SLC8A1: variants seen among roughly 807,000 people sequenced by gnomAD.
The protein encoded by SLC8A1 is solute carrier family 8 member A1.
SLC8A1 carries 18 observed loss-of-function variants against 68.3 expected under a neutral mutation model. The observed-to-expected ratio is 0.26, with a 90% confidence interval of 0.18 to 0.39. SLC8A1 has a LOEUF of 0.39. Ranked by LOEUF, SLC8A1 falls within the 10% of genes least tolerant of loss-of-function variation. The pLI is 1.00. For synonymous variants in SLC8A1, 475 were observed against 415.5 expected (o/e 1.14, Z -1.74); for missense variants, 985 against 1,156.7 (o/e 0.85, Z 2.15).
intron 3 of SLC8A1, 26 bp from the exon 5 acceptor site, chr2:40,174,868 A>G: frequency 6.2e-7 from 1 of 1,602,926 alleles, no homozygotes; most frequent in Non-Finnish European, 8.5e-7. Context: ...ACAACAACAA[A>G]TGTTATAATT....
chr2:40,435,677 G>T (rs530984933), intron 1 of SLC8A1, among the ~76,000 whole-genome samples: 1 of 152,296 alleles, frequency 6.6e-6, no homozygotes, highest in Non-Finnish European at 1.5e-5. Context: ...CAAAAGGAAA[G>T]ATAGACTTAG....
chr2:40,232,707 G>T (rs1161577174), intron 2 of SLC8A1, among the ~76,000 whole-genome samples: 2 of 119,440 alleles, frequency 1.7e-5, no homozygotes, highest in Non-Finnish European at 3.6e-5. Flanking sequence ...CCACTAACTC[G>T]TCATCTAGCA....
intron 1 of SLC8A1, among the ~76,000 whole-genome samples, chr2:40,485,152 A>T (rs899827649): frequency 1.3e-5 from 2 of 152,202 alleles, no homozygotes; most frequent in African/African-American, 4.8e-5. Context: ...AGGCAAGGAG[A>T]GAACAACCAT....
intron 2 of SLC8A1, among the ~76,000 whole-genome samples, chr2:40,227,726 A>G (rs1301500125): frequency 6.6e-6 from 1 of 151,898 alleles, no homozygotes; most frequent in African/African-American, 2.4e-5. Context: ...ATAATAATAA[A>G]TCTCCTTGAT....
chr2:40,343,032 T>A (rs577222847), intron 2 of SLC8A1, among the ~76,000 whole-genome samples: 4 of 152,226 alleles, frequency 2.6e-5, no homozygotes, highest in African/African-American at 9.6e-5. Flanking sequence ...AGAATCTCAT[T>A]TTAATTATGA....
chr2:40,399,419 G>C (rs1688006971), intron 2 of SLC8A1, among the ~76,000 whole-genome samples: 1 of 152,114 alleles, frequency 6.6e-6, no homozygotes. Context: ...TATGGCCACT[G>C]CAACCTTGCT....
At chr2:40,336,847 C>A (rs957174691) in intron 2 of SLC8A1, among the ~76,000 whole-genome samples, 1 of 152,096 alleles carries the variant, frequency 6.6e-6, no homozygotes, top group East Asian at 1.9e-4. Context: ...GACTCTGCCA[C>A]TTTCTGTTTA....
chr2:40,266,761 T>C (rs922885827), intron 2 of SLC8A1, among the ~76,000 whole-genome samples: 24 of 152,210 alleles, frequency 1.6e-4, no homozygotes, highest in Non-Finnish European at 3.5e-4. Context: ...TGTAGGCTGA[T>C]GACTATGGAC....
At chr2:40,154,124 C>G (rs13399582) in intron 6 of SLC8A1, among the ~76,000 whole-genome samples, 12 of 151,658 alleles carry the variant, frequency 7.9e-5, no homozygotes, top group Non-Finnish European at 1.6e-4. Context: ...ACACAAGTTA[C>G]GTAACCACTC....
chr2:40,251,020 TAA>T (rs1156327809), intron 2 of SLC8A1: 2 of 152,054 alleles, frequency 1.3e-5, no homozygotes, highest in Non-Finnish European at 2.9e-5. Flanking sequence ...TCGGGAGAGT[TAA>T]AGAGTAGCAA....
chr2:40,322,501 T>TAAAAA (rs10708563), intron 2 of SLC8A1, among the ~76,000 whole-genome samples: 1 of 97,324 alleles, frequency 1.0e-5, no homozygotes, highest in South Asian at 3.6e-4. Context: ...TACAAAAGGT[T>TAAAAA]AAAAAAAAAA....
chr2:40,403,937 A>G (rs975033407), intron 2 of SLC8A1, among the ~76,000 whole-genome samples: 3 of 152,224 alleles, frequency 2.0e-5, no homozygotes, highest in African/African-American at 7.2e-5. Flanking sequence ...AGTTGTCACT[A>G]TTTCATTTGA....
At chr2:40,174,795 T>C in intron 4 of SLC8A1, 30 bp downstream of exon 5, 2 of 1,605,544 alleles carry the variant, frequency 1.2e-6, no homozygotes, top group Non-Finnish European at 1.7e-6. Context: ...CAGTAAAAGT[T>C]AGATAGCATT....
intron 2 of SLC8A1, among the ~76,000 whole-genome samples, chr2:40,358,697 G>C (rs1332073690): frequency 6.6e-6 from 1 of 152,150 alleles, no homozygotes; most frequent in Non-Finnish European, 1.5e-5. Context: ...CAATGGCCTA[G>C]GTACAGTCCA....
intron 1 of SLC8A1, among the ~76,000 whole-genome samples, chr2:40,509,989 G>A (rs183693791): frequency 6.6e-6 from 1 of 151,934 alleles, no homozygotes; most frequent in African/African-American, 2.4e-5. Context: ...CGCCACACCT[G>A]GCTAATTTTT....
intron 6 of SLC8A1, among the ~76,000 whole-genome samples, chr2:40,151,682 C>G (rs1281609933): frequency 6.6e-6 from 1 of 152,128 alleles, no homozygotes; most frequent in African/African-American, 2.4e-5. Context: ...AAAGACTGTG[C>G]TTTCCAATGG....
At chr2:40,437,804 C>A (rs1699721931) in intron 1 of SLC8A1, among the ~76,000 whole-genome samples, 2 of 151,948 alleles carry the variant, frequency 1.3e-5, no homozygotes, top group Non-Finnish European at 1.5e-5. Flanking sequence ...GTTTTATCTG[C>A]CAAGCTTTTC....
chr2:40,491,937 C>T (rs866880392), intron 1 of SLC8A1, among the ~76,000 whole-genome samples: 19 of 152,208 alleles, frequency 1.2e-4, no homozygotes, highest in African/African-American at 3.6e-4. Context: ...TTTATAGATT[C>T]AATGCCATCC....
At chr2:40,283,073 C>T (rs1162549765) in intron 2 of SLC8A1, among the ~76,000 whole-genome samples, 1 of 152,186 alleles carries the variant, frequency 6.6e-6, no homozygotes, top group Non-Finnish European at 1.5e-5. Flanking sequence ...ATTAACTATT[C>T]TACTAGATTC....
Sources: gnomAD v4.1 joint callset for allele counts (sites outside exome capture counted in the v4.1 genomes callset) on GRCh38, gnomAD v4.1.1 for gene constraint, MANE v1.5 for transcripts, NCBI Gene and HGNC (gene_info 2026-07-23, HGNC 2026-07-21) for gene names.